PAM: variants seen among roughly 807,000 people sequenced by gnomAD.
PAM encodes peptidylglycine alpha-amidating monooxygenase.
A neutral mutation model predicts 122.1 loss-of-function variants in PAM; 72 were observed. The ratio of observed to expected loss-of-function variants is 0.59; its 90% CI spans 0.49 to 0.72. The LOEUF (loss-of-function observed/expected upper bound fraction) is 0.72, where lower values mean the gene tolerates loss of function less well. Among genes scored for constraint, PAM ranks in the 30% least tolerant of loss-of-function variants. PAM has a pLI of 0.00. For missense variants in PAM, 1,106 were observed against 1,183.7 expected, an observed-to-expected ratio of 0.93 and a Z score of 0.96; for synonymous variants, 389 against 404.4, an observed-to-expected ratio of 0.96 and a Z score of 0.46.
At chr5:103,014,659 C>T (rs1252327788) in intron 21 of PAM, among the ~76,000 whole-genome samples, 1 of 152,174 alleles carries the variant, frequency 6.6e-6, no homozygotes, top group African/African-American at 2.4e-5. Context: ...CACTCCTTAT[C>T]TCCTCTTACA....
chr5:102,883,790 C>T (rs1792085938), intron 3 of PAM, among the ~76,000 whole-genome samples: 1 of 151,798 alleles, frequency 6.6e-6, no homozygotes, highest in Non-Finnish European at 1.5e-5. Flanking sequence ...TGTTTTGTTC[C>T]AGTTCTCAAG....
intron 1 of PAM, among the ~76,000 whole-genome samples, chr5:102,770,245 A>G (rs1039022305): frequency 1.3e-5 from 2 of 152,074 alleles, no homozygotes; most frequent in African/African-American, 4.8e-5. Context: ...GAATTTGTTT[A>G]TTAGATCTAT....
At chr5:102,926,266 T>G (rs545306153) in intron 6 of PAM, among the ~76,000 whole-genome samples, 50 of 152,356 alleles carry the variant, frequency 3.3e-4, no homozygotes, top group African/African-American at 1.2e-3. Context: ...GGCTAATGTA[T>G]GTCTTTTAAA....
intron 1 of PAM, among the ~76,000 whole-genome samples, chr5:102,821,859 T>C (rs1772037126): frequency 6.6e-6 from 1 of 152,184 alleles, no homozygotes; most frequent in Non-Finnish European, 1.5e-5. Flanking sequence ...AATTTTACCA[T>C]AAGCAAATTT....
intron 21 of PAM, among the ~76,000 whole-genome samples, chr5:103,014,642 G>A (rs1049068701): frequency 1.4e-4 from 22 of 151,926 alleles, no homozygotes; most frequent in African/African-American, 4.9e-4. Context: ...TTCTGTTTGT[G>A]CATACCCACT....
intron 1 of PAM, among the ~76,000 whole-genome samples, chr5:102,830,605 T>A (rs911121607): frequency 6.6e-6 from 1 of 152,196 alleles, no homozygotes; most frequent in Non-Finnish European, 1.5e-5. Context: ...GTGGAGGTCT[T>A]TGAAGGAGGT....
chr5:102,966,640 G>C (rs190174342), intron 14 of PAM, among the ~76,000 whole-genome samples: 60 of 152,188 alleles, frequency 3.9e-4, no homozygotes, highest in Middle Eastern at 3.4e-3. Flanking sequence ...TTAAGACTAA[G>C]TCATAAAACA....
chr5:102,997,330 G>T (rs1217426389), intron 16 of PAM, among the ~76,000 whole-genome samples: 1 of 151,966 alleles, frequency 6.6e-6, no homozygotes, highest in Non-Finnish European at 1.5e-5. Flanking sequence ...GATCAGCCTG[G>T]TCAATATAGG....
At chr5:102,903,992 A>C (rs1016422738) in intron 4 of PAM, among the ~76,000 whole-genome samples, 3 of 151,582 alleles carry the variant, frequency 2.0e-5, no homozygotes, top group African/African-American at 7.3e-5. Flanking sequence ...ACCCATGAAG[A>C]TTTAAAGATT....
chr5:102,932,632 C>T (rs1284220399), intron 7 of PAM, among the ~76,000 whole-genome samples: 1 of 148,156 alleles, frequency 6.7e-6, no homozygotes, highest in East Asian at 2.0e-4. Flanking sequence ...AGTAAGACTC[C>T]ATCTCAAAAT....
At chr5:102,849,494 A>AT (rs2150706115) in intron 1 of PAM, among the ~76,000 whole-genome samples, 1 of 147,314 alleles carries the variant, frequency 6.8e-6, no homozygotes, top group Admixed American at 6.8e-5. Flanking sequence ...GGAGGCGGAG[A>AT]TTGCAGTGAG....
intron 1 of PAM, among the ~76,000 whole-genome samples, chr5:102,805,296 C>T (rs1278951597): frequency 1.3e-5 from 2 of 152,038 alleles, no homozygotes; most frequent in African/African-American, 2.4e-5. Flanking sequence ...TCTTGAACTC[C>T]TGACCTCATG....
intron 4 of PAM, among the ~76,000 whole-genome samples, chr5:102,909,793 G>T (rs1011638572): frequency 1.3e-5 from 2 of 151,806 alleles, no homozygotes; most frequent in African/African-American, 4.8e-5. Context: ...TGTATAACAC[G>T]ATTACATTGG....
At chr5:102,938,432 C>T (rs570679872) in intron 7 of PAM, among the ~76,000 whole-genome samples, 2 of 152,156 alleles carry the variant, frequency 1.3e-5, no homozygotes, top group East Asian at 3.9e-4. Flanking sequence ...TGTTTTTTAT[C>T]CCTTAAAACG....
At chr5:102,877,325 A>G (rs557452147) in intron 3 of PAM, among the ~76,000 whole-genome samples, 2 of 152,380 alleles carry the variant, frequency 1.3e-5, no homozygotes, top group South Asian at 2.1e-4. Context: ...TGATAAATAC[A>G]TTAGAATACT....
Position 102,784,575 on chromosome 5 carries a change from T to A in PAM, c.-374+29227T>A, listed in dbSNP as rs534299510. On this transcript the variant is annotated intron_variant, in intron 1 of 25. Transcript: ENST00000438793. ...CTGAGGACAGGTACCATCTCTGTCTTATCTAACCAGATATTCCCAGCAGAG... is the reference window on the plus strand; with the variant it reads ...CTGAGGACAGGTACCATCTCTGTCTAATCTAACCAGATATTCCCAGCAGAG... Among the ~76,000 whole-genome samples, 53 of 152,324 alleles carry A rather than the reference T, an allele frequency of 3.5e-4. No individual in the cohort carries two copies. In the South Asian group the frequency reaches 4.4e-3, roughly 13 times the overall value.
chr5:103,030,376 A>G (rs1786084116), downstream of PAM: 1 of 152,230 alleles, frequency 6.6e-6, no homozygotes, highest in Non-Finnish European at 1.5e-5. Flanking sequence ...AGAACCAGAT[A>G]ATTTTCCATT....
At chr5:102,939,648 C>T (rs1463016172) in intron 7 of PAM, among the ~76,000 whole-genome samples, 1 of 151,890 alleles carries the variant, frequency 6.6e-6, no homozygotes, top group Non-Finnish European at 1.5e-5. Flanking sequence ...TTTTTTAATC[C>T]TCATACTACA....
intron 1 of PAM, among the ~76,000 whole-genome samples, chr5:102,854,594 T>C (rs894462587): frequency 1.2e-4 from 18 of 152,130 alleles, no homozygotes; most frequent in African/African-American, 4.3e-4. Flanking sequence ...ATGGACCTCA[T>C]CTTTTTTAAG....
Sources: gnomAD v4.1 joint callset for allele counts (sites outside exome capture counted in the v4.1 genomes callset) on GRCh38, gnomAD v4.1.1 for gene constraint, MANE v1.5 for transcripts, NCBI Gene and HGNC (gene_info 2026-07-23, HGNC 2026-07-21) for gene names.